KIRREL3: variants seen among roughly 807,000 people sequenced by gnomAD.
KIRREL3 encodes the protein kin of IRRE-like protein 3.
In KIRREL3, 36 loss-of-function variants were observed where a neutral mutation model predicts 89.7. The ratio of observed to expected loss-of-function variants is 0.40; its 90% CI spans 0.31 to 0.53. KIRREL3 has a LOEUF of 0.53. KIRREL3 is among the 20% of genes least tolerant of loss of function. The probability of loss-of-function intolerance (pLI) is 0.49; values close to 1 mark genes in which losing one functional copy is unlikely to be tolerated. For synonymous variants in KIRREL3, 445 were observed against 441.4 expected (o/e 1.01, Z -0.10); for missense variants, 864 against 1,056.6 (o/e 0.82, Z 2.53).
chr11:126,785,574 G>A (rs1175351663), intron 1 of KIRREL3, among the ~76,000 whole-genome samples: 1 of 152,024 alleles, frequency 6.6e-6, no homozygotes, highest in East Asian at 1.9e-4. Flanking sequence ...AAACAACACT[G>A]CTGATTAAAA....
At chr11:126,435,340 C>T (rs1955284155) in intron 12 of KIRREL3, 37 bp from the exon 13 acceptor site, 1 of 1,587,694 alleles carries the variant, frequency 6.3e-7, no homozygotes, top group Non-Finnish European at 8.6e-7. Context: ...CAGCCAGGGC[C>T]TGGCTGGCCA....
rs552829114 is a variant in KIRREL3 at position 126,734,893 on chromosome 11, A to G, written c.56-171981T>C. On this transcript the variant is annotated intron_variant, in intron 1 of 16. Coordinates refer to ENST00000525144, the MANE Select transcript of KIRREL3 (RefSeq NM_032531.4). The surrounding 1 kb of genome is among the most constrained non-coding windows in gnomAD (Gnocchi z 5.9). ...TGGGGAGGACAGTGTTAATTGTGGC[A>G]GGATGGGGTTTGTGGTTGGAACGGT... 3.9e-5 allele frequency among the ~76,000 whole-genome samples: 6 copies of G among 152,246 alleles called. No individual in the cohort carries two copies. In the South Asian group the frequency reaches 1.2e-3, roughly 32 times the overall value.
Position 126,645,225 on chromosome 11 carries a change from A to G in KIRREL3, c.56-82313T>C, listed in dbSNP as rs1944621018. Among the ~76,000 whole-genome samples the G allele has an allele frequency of 6.6e-6, 1 of 152,216 alleles. No individual in the cohort carries two copies. The highest frequency in any genetic ancestry group is 1.5e-5 in the Non-Finnish European group (1 of 68,034). On this transcript the variant is annotated intron_variant, in intron 1 of 16. Coordinates refer to ENST00000525144, the MANE Select transcript of KIRREL3 (RefSeq NM_032531.4). The surrounding 1 kb of genome is among the most constrained non-coding windows in gnomAD (Gnocchi z 4.9). ...TGACATCGTAACAATTCAAATGCTA[A>G]TGAAATATTCTCAACTTGAGTTCCC... is the stretch of plus-strand genomic sequence containing the variant.
chr11:126,834,413 A>G (rs1273738263), intron 1 of KIRREL3, among the ~76,000 whole-genome samples: 1 of 152,256 alleles, frequency 6.6e-6, no homozygotes, highest in Non-Finnish European at 1.5e-5. Context: ...CCTGACTCAC[A>G]GATAAAATGT....
intron 1 of KIRREL3, among the ~76,000 whole-genome samples, chr11:126,925,843 T>C (rs1947691287): frequency 6.6e-6 from 1 of 152,202 alleles, no homozygotes; most frequent in Admixed American, 6.5e-5. Flanking sequence ...TGCCACCGCA[T>C]GTCCCCAGGC....
At chr11:126,658,634 C>A (rs1033515810) in intron 1 of KIRREL3, among the ~76,000 whole-genome samples, 3 of 152,200 alleles carry the variant, frequency 2.0e-5, no homozygotes, top group Admixed American at 1.3e-4. Flanking sequence ...ATTACTGACT[C>A]GGAGAGCTTT....
chr11:126,463,663 G>C lies in KIRREL3; in HGVS notation c.592-356C>G, dbSNP rs1378311815. On this transcript the variant is annotated intron_variant, in intron 5 of 16. Coordinates refer to ENST00000525144, the MANE Select transcript of KIRREL3 (RefSeq NM_032531.4). The surrounding 1 kb of genome is among the most constrained non-coding windows in gnomAD (Gnocchi z 5.9). ...AATGAACTCACATCTTTTTGCCTCT[G>C]GTGCTTGAGTGACAGTCTCAGGCTC... Among the ~76,000 whole-genome samples the C allele has an allele frequency of 6.6e-6, 1 of 152,188 alleles. No individual in the cohort carries two copies. Among genetic ancestry groups the C allele is most frequent in the African/African-American group, 2.4e-5 (1 of 41,442 alleles).
rs1444777596 is a variant in KIRREL3 at position 126,955,640 on chromosome 11, T to C, written c.55+44815A>G. Among the ~76,000 whole-genome samples, 1 of 152,236 alleles carries C rather than the reference T, an allele frequency of 6.6e-6. No homozygotes were observed. The highest frequency in any genetic ancestry group is 1.5e-5 in the Non-Finnish European group (1 of 68,032). On this transcript the variant is annotated intron_variant, in intron 1 of 16. Coordinates refer to ENST00000525144, the MANE Select transcript of KIRREL3 (RefSeq NM_032531.4). This position sits in a 1 kb window ranked among gnomAD's most constrained non-coding sequence, Gnocchi z 4.6. ...CATCATTTGCTCCCTCAACCACACA[T>C]ATTTATTAAGTAGCTACTATACACA... is the stretch of plus-strand genomic sequence containing the variant.
intron 4 of KIRREL3, among the ~76,000 whole-genome samples, chr11:126,482,392 T>C (rs1957245736): frequency 6.6e-6 from 1 of 152,244 alleles, no homozygotes; most frequent in Admixed American, 6.5e-5. Flanking sequence ...TGGGTTTGAA[T>C]CCTGGGTGCT....
At position 126,462,014 on chromosome 11, in the gene KIRREL3, C is replaced by T. The variant is rs927219258; in HGVS notation, c.742+1143G>A. On this transcript the variant is annotated intron_variant, in intron 6 of 16. Coordinates refer to ENST00000525144, the MANE Select transcript of KIRREL3 (RefSeq NM_032531.4). The surrounding 1 kb of genome is among the most constrained non-coding windows in gnomAD (Gnocchi z 4.8). ...AGAAGTCCACTTTTGAGTCCTGACT[C>T]TTTAAACTGAACTAATCCAGTCTTG... Among the ~76,000 whole-genome samples, 3 of 152,166 alleles carry T rather than the reference C, an allele frequency of 2.0e-5. No homozygotes were observed. The highest frequency in any genetic ancestry group is 7.2e-5 in the African/African-American group (3 of 41,434).
chr11:126,985,356 A>G lies in KIRREL3; in HGVS notation c.55+15099T>C, dbSNP rs1949833479. ...CGGTAGATGGAGGTGAGAAGGACCC[A>G]GCCCTGGCCGCCAGGAAGCTCACAA... On this transcript the variant is annotated intron_variant, in intron 1 of 16. Transcript: ENST00000525144. This position sits in a 1 kb window ranked among gnomAD's most constrained non-coding sequence, Gnocchi z 5.3. Among the ~76,000 whole-genome samples, 1 of 152,186 alleles carries G rather than the reference A, an allele frequency of 6.6e-6. No individual in the cohort carries two copies. The highest frequency in any genetic ancestry group is 2.4e-5 in the African/African-American group (1 of 41,446).
intron 1 of KIRREL3, among the ~76,000 whole-genome samples, chr11:126,824,915 GC>G (rs1227093527): frequency 6.6e-6 from 1 of 152,142 alleles, no homozygotes; most frequent in Non-Finnish European, 1.5e-5. Flanking sequence ...AGATCTTGAG[GC>G]CCACAAGGAA....
intron 1 of KIRREL3, among the ~76,000 whole-genome samples, chr11:126,746,774 G>A (rs1949165865): frequency 6.6e-6 from 1 of 152,152 alleles, no homozygotes; most frequent in Non-Finnish European, 1.5e-5. Context: ...AGTATTACAA[G>A]TATTGCAACC....
Position 126,428,923 on chromosome 11 carries a change from A to C in KIRREL3, c.1806+256T>G, listed in dbSNP as rs897881595. Reference sequence around the variant, plus strand: ...CGGTCTCCCAAAGTGTTGGGATTGCAAGCGTGAGCCACTGCACCTGGCCTG... The same window carrying C: ...CGGTCTCCCAAAGTGTTGGGATTGCCAGCGTGAGCCACTGCACCTGGCCTG... On this transcript the variant is annotated intron_variant, in intron 15 of 16. Coordinates refer to ENST00000525144, the MANE Select transcript of KIRREL3 (RefSeq NM_032531.4). The surrounding 1 kb of genome is among the most constrained non-coding windows in gnomAD (Gnocchi z 6.4). Among the ~76,000 whole-genome samples, 5 of 152,220 alleles carry C rather than the reference A, an allele frequency of 3.3e-5. No homozygotes were observed. The highest frequency in any genetic ancestry group is 1.2e-4 in the African/African-American group (5 of 41,450).
At position 126,445,070 on chromosome 11, in the gene KIRREL3, G is replaced by A. The variant is rs1328621298; in HGVS notation, c.1161C>T (p.Ser387=). 5 of 1,613,980 alleles carry A rather than the reference G, an allele frequency of 3.1e-6. No individual in the cohort carries two copies. Among genetic ancestry groups the A allele is most frequent in the African/African-American group, 1.3e-5 (1 of 75,050 alleles). ...ACTTGCCCGCGTCCTCCTGGCGCAC[G>A]GATTTGAGGGTCAGGGTCTTCTCAT... is the stretch of plus-strand genomic sequence containing the variant. The part of the protein sequence containing the change: ...LSNEKTLTLK[S]VRQEDAGKYV... Residue 387 remains serine, a synonymous_variant, in exon 10 of 17, where the codon TCC becomes TCT. Transcript: ENST00000525144.
At position 126,918,453 on chromosome 11, in the gene KIRREL3, T is replaced by C. The variant is rs1208029813; in HGVS notation, c.55+82002A>G. Among the ~76,000 whole-genome samples the C allele has an allele frequency of 6.6e-6, 1 of 152,208 alleles. No homozygotes were observed. On this transcript the variant is annotated intron_variant, in intron 1 of 16. Coordinates refer to ENST00000525144, the MANE Select transcript of KIRREL3 (RefSeq NM_032531.4). The surrounding 1 kb of genome is among the most constrained non-coding windows in gnomAD (Gnocchi z 6.5). ...AAGTCTTTGTAAACTAAGCTGCTTG[T>C]TCCTCTGACAGGGTGATAAGCAAGC...
intron 1 of KIRREL3, among the ~76,000 whole-genome samples, chr11:126,759,426 C>G (rs180765923): frequency 1.3e-5 from 2 of 152,298 alleles, no homozygotes; most frequent in African/African-American, 4.8e-5. Context: ...CTGTACCCGG[C>G]CATGGGTATG....
chr11:126,843,355 G>T lies in KIRREL3; in HGVS notation c.55+157100C>A, dbSNP rs1240259414. Among the ~76,000 whole-genome samples, 1 of 152,186 alleles carries T rather than the reference G, an allele frequency of 6.6e-6. No homozygotes were observed. The highest frequency in any genetic ancestry group is 2.4e-5 in the African/African-American group (1 of 41,446). On this transcript the variant is annotated intron_variant, in intron 1 of 16. Transcript: ENST00000525144. This position sits in a 1 kb window ranked among gnomAD's most constrained non-coding sequence, Gnocchi z 4.6. ...AATCTGGAAGATCTCCAAGTGTAAA[G>T]GTGCATGAGAAATGCTTCCAGTGAG...
intron 1 of KIRREL3, among the ~76,000 whole-genome samples, chr11:126,972,168 T>TAGAGAGAGAGAG (rs61426707): frequency 0.065 from 7,754 of 119,614 alleles, 431 homozygotes; most frequent in Non-Finnish European, 0.072. Context: ...GAGGGTCTGG[T>TAGAGAGAGAGAG]AGAGAGAGAG....
Sources: gnomAD v4.1 joint callset for allele counts (sites outside exome capture counted in the v4.1 genomes callset) on GRCh38, gnomAD v4.1.1 for gene constraint, Gnocchi (gnomAD v3.1) non-coding constraint, MANE v1.5 for transcripts, NCBI Gene and HGNC (gene_info 2026-07-23, HGNC 2026-07-21) for gene names.